PLEKHA7: variants seen among roughly 807,000 people sequenced by gnomAD.
The protein encoded by PLEKHA7 is pleckstrin homology domain-containing family A member 7.
In PLEKHA7, 104 loss-of-function variants were observed where a neutral mutation model predicts 170.0. That is an observed-to-expected ratio of 0.61 (90% CI 0.52 to 0.72). The LOEUF is 0.72. Ranked by LOEUF, PLEKHA7 falls within the 30% of genes least tolerant of loss-of-function variation. The pLI, the probability that PLEKHA7 is intolerant of heterozygous loss-of-function variation, is 0.00. For synonymous variants in PLEKHA7, 648 were observed against 660.8 expected (o/e 0.98, Z 0.30); for missense variants, 1,615 against 1,671.7 (o/e 0.97, Z 0.59).
intron 9 of PLEKHA7, among the ~76,000 whole-genome samples, chr11:16,836,635 C>G (rs1851531137): frequency 6.6e-6 from 1 of 152,210 alleles, no homozygotes; most frequent in African/African-American, 2.4e-5. Flanking sequence ...AACCAAATGT[C>G]TGAACATCTT....
At chr11:16,779,300 C>A (rs1222058852) in intron 26 of PLEKHA7, among the ~76,000 whole-genome samples, 1 of 152,232 alleles carries the variant, frequency 6.6e-6, no homozygotes, top group East Asian at 1.9e-4. Flanking sequence ...TCTGGCCCTG[C>A]CCTTCATTCT....
At chr11:16,825,324 C>A (rs1002692180) in intron 10 of PLEKHA7, among the ~76,000 whole-genome samples, 1 of 152,232 alleles carries the variant, frequency 6.6e-6, no homozygotes, top group Non-Finnish European at 1.5e-5. Flanking sequence ...AGGCCTGTGG[C>A]AGACTTGGTC....
intron 3 of PLEKHA7, among the ~76,000 whole-genome samples, chr11:16,908,438 C>A (rs1858011754): frequency 6.6e-6 from 1 of 151,808 alleles, no homozygotes; most frequent in African/African-American, 2.4e-5. Context: ...CAGAAGGAAC[C>A]AAACCTGCCG....
intron 3 of PLEKHA7, among the ~76,000 whole-genome samples, chr11:16,947,915 CAAAAAAAA>C (rs756124686): frequency 1.5e-5 from 1 of 67,034 alleles, no homozygotes. Flanking sequence ...GACTCCGTCT[CAAAAAAAA>C]AAAAAAAAAG....
Position 16,817,546 on chromosome 11 carries a change from C to T in PLEKHA7, c.1344-224G>A, listed in dbSNP as rs1305314628. ...AACTTCCTCTGCCAGGACAACTTGG[C>T]TACCCCATGCCCATCACTTGGAGTG... On this transcript the variant is annotated intron_variant, in intron 10 of 26. Transcript: ENST00000531066. This position sits in a 1 kb window ranked among gnomAD's most constrained non-coding sequence, Gnocchi z 4.4. The T allele has an allele frequency of 4.2e-6, 2 of 481,354 alleles. No homozygotes were observed. Among genetic ancestry groups the T allele is most frequent in the African/African-American group, 1.9e-5 (1 of 52,304 alleles). 29.8% of individuals were successfully genotyped at this position (481,354 alleles called of 1,614,324 possible). A position where few individuals can be genotyped will look rare whatever the true frequency, so the allele number is the denominator to read the frequency against.
At chr11:16,829,060 T>C (rs1850895084) in intron 9 of PLEKHA7, among the ~76,000 whole-genome samples, 1 of 151,856 alleles carries the variant, frequency 6.6e-6, no homozygotes, top group Non-Finnish European at 1.5e-5. Flanking sequence ...TGGAGTGCGG[T>C]GGCAATGATC....
chr11:16,849,340 C>T (rs1284218606), intron 8 of PLEKHA7, among the ~76,000 whole-genome samples: 3 of 152,094 alleles, frequency 2.0e-5, no homozygotes, highest in African/African-American at 7.2e-5. Flanking sequence ...ATGTTGTTCC[C>T]AAAACATCAT....
intron 3 of PLEKHA7, among the ~76,000 whole-genome samples, chr11:16,943,637 A>G (rs574682761): frequency 1.1e-4 from 16 of 152,332 alleles, no homozygotes; most frequent in African/African-American, 3.8e-4. Context: ...TGGGAATGGG[A>G]AGGAGGGATT....
chr11:16,887,911 G>C (rs1050781603), intron 3 of PLEKHA7, among the ~76,000 whole-genome samples: 7 of 151,788 alleles, frequency 4.6e-5, no homozygotes, highest in Non-Finnish European at 1.5e-5. Context: ...GAAGTGAGGA[G>C]TGCCTCTTCC....
intron 3 of PLEKHA7, among the ~76,000 whole-genome samples, chr11:16,987,656 C>G (rs1363312812): frequency 1.3e-5 from 2 of 152,156 alleles, no homozygotes; most frequent in Non-Finnish European, 2.9e-5. Context: ...AAACAAGTTG[C>G]TTCTTTGCTT....
chr11:16,880,473 T>C (rs1204089606), intron 3 of PLEKHA7, among the ~76,000 whole-genome samples: 1 of 152,264 alleles, frequency 6.6e-6, no homozygotes, highest in African/African-American at 2.4e-5. Context: ...TATCTTCTGC[T>C]AACTCTAAAA....
chr11:16,832,658 C>A (rs1424221153), intron 9 of PLEKHA7, among the ~76,000 whole-genome samples: 1 of 152,158 alleles, frequency 6.6e-6, no homozygotes, highest in African/African-American at 2.4e-5. Flanking sequence ...AGAGGAATGA[C>A]AGCTTGTAGG....
At chr11:16,909,429 A>G (rs957279064) in intron 3 of PLEKHA7, among the ~76,000 whole-genome samples, 4 of 152,244 alleles carry the variant, frequency 2.6e-5, no homozygotes, top group Non-Finnish European at 5.9e-5. Flanking sequence ...ATTACTGAGC[A>G]GAAAGAGACA....
At chr11:16,956,442 G>C (rs1327678699) in intron 3 of PLEKHA7, among the ~76,000 whole-genome samples, 1 of 152,214 alleles carries the variant, frequency 6.6e-6, no homozygotes, top group Non-Finnish European at 1.5e-5. Flanking sequence ...TCCCAGAGGG[G>C]AGAAGTACCT....
intron 3 of PLEKHA7, among the ~76,000 whole-genome samples, chr11:16,950,128 G>C (rs760887226): frequency 6.6e-6 from 1 of 151,808 alleles, no homozygotes; most frequent in Non-Finnish European, 1.5e-5. Flanking sequence ...AGCAGGGAGA[G>C]GAGTCAGTGG....
rs777764634 is a variant in PLEKHA7 at position 17,014,363 on chromosome 11, C to T, written c.39G>A (p.Glu13=). 1 of 1,438,458 alleles carries T rather than the reference C, an allele frequency of 7.0e-7. No individual in the cohort carries two copies. Among genetic ancestry groups the T allele is most frequent in the South Asian group, 1.4e-5 (1 of 69,086 alleles). 89.1% of individuals were successfully genotyped at this position (1,438,458 alleles called of 1,614,324 possible). A position where few individuals can be genotyped will look rare whatever the true frequency, so the allele number is the denominator to read the frequency against. Residue 13 remains glutamate (E), a synonymous_variant, in exon 1 of 27, where the codon GAG becomes GAA. Coordinates refer to ENST00000531066, the MANE Select transcript of PLEKHA7 (RefSeq NM_001329630.2). Reference sequence around the variant, plus strand: ...CCCGGCACACCCCGTAGGACCAATGCTCAGGTAAAGTGTCCCGCCCGACCG... The same window carrying T: ...CCCGGCACACCCCGTAGGACCAATGTTCAGGTAAAGTGTCCCGCCCGACCG... ...AATVGRDTLP[E]HWSYGVCRDG...
chr11:16,927,910 T>C (rs1590641875), intron 3 of PLEKHA7, among the ~76,000 whole-genome samples: 3 of 152,196 alleles, frequency 2.0e-5, no homozygotes, highest in Non-Finnish European at 4.4e-5. Flanking sequence ...CATACAACTT[T>C]TAAAATGATA....
In PLEKHA7 at chr11:16,868,122, TGAG is replaced by T. The variant is rs548447135; in HGVS notation, c.305+2974_305+2976del. ...AGTTTAAACCACATCCCTTCCCAGA[TGAG>T]GAGGCCTTCTGTGGTCCCTAAGCCA... On this transcript the variant is annotated intron_variant, in intron 4 of 26. Transcript: ENST00000531066. 1.8e-4 allele frequency among the ~76,000 whole-genome samples: 27 copies of T among 152,306 alleles called. No homozygotes were observed. In the East Asian group the frequency reaches 4.8e-3, roughly 27 times the overall value.
intron 3 of PLEKHA7, among the ~76,000 whole-genome samples, chr11:16,963,013 A>G (rs1862159789): frequency 1.3e-5 from 2 of 152,180 alleles, no homozygotes; most frequent in Admixed American, 1.3e-4. Flanking sequence ...GACGAGGAGC[A>G]AGGCAGCCAC....
Sources: gnomAD v4.1 joint callset for allele counts (sites outside exome capture counted in the v4.1 genomes callset) on GRCh38, gnomAD v4.1.1 for gene constraint, Gnocchi (gnomAD v3.1) non-coding constraint, MANE v1.5 for transcripts, NCBI Gene and HGNC (gene_info 2026-07-23, HGNC 2026-07-21) for gene names.